Variants in BICRA observed in about 807,000 individuals in gnomAD.
The protein encoded by BICRA is BRD4 interacting chromatin remodeling complex associated protein, also known as BRD4-interacting chromatin-remodeling complex-associated protein.
Under a neutral mutation model 96.9 loss-of-function variants are expected in BICRA, and 31 were observed. The observed-to-expected ratio is 0.32, with a 90% CI of 0.24 to 0.43. The LOEUF (loss-of-function observed/expected upper bound fraction) is 0.43. Among genes scored for constraint, BICRA ranks in the 20% least tolerant of loss-of-function variants. The probability of loss-of-function intolerance (pLI) is 1.00; values close to 1 mark genes in which losing one functional copy is unlikely to be tolerated. For synonymous variants in BICRA, 1,350 were observed against 1,071.8 expected, an observed-to-expected ratio of 1.26 and a Z score of -5.07; for missense variants, 2,283 against 2,190.3, an observed-to-expected ratio of 1.04 and a Z score of -0.84.
At chr19:47,632,160 T>TTA (rs1175352082) in intron 1 of BICRA, among the ~76,000 whole-genome samples, 2 of 152,222 alleles carry the variant, frequency 1.3e-5, no homozygotes, top group African/African-American at 4.8e-5. Context: ...CTTGGGTTGC[T>TTA]TATGCAAGAG....
Position 47,702,341 on chromosome 19 carries a change from C to T in BICRA, c.4609C>T (p.Pro1537Ser), listed in dbSNP as rs780931394. The change falls in exon 15 of 15, where the codon CCC becomes TCC. Residue 1537 changes from proline (P) to serine (S), a missense_variant. Pro to Ser is a moderately conservative substitution (Grantham distance 74, BLOSUM62 -1). Coordinates refer to ENST00000594866, the MANE Select transcript of BICRA (RefSeq NM_001394372.1). The stretch of plus-strand genomic sequence containing the variant: ...GGCCGGCACCCCCGCATCCCCGCCG[C>T]CCCTGCACAGGCCCGAGGCCTACCC... ...ASAGTPASPPPLHRPEAYPPS... is the reference protein window; with the variant it reads ...ASAGTPASPPSLHRPEAYPPS... 2 of 1,547,054 alleles carry T rather than the reference C, an allele frequency of 1.3e-6. No homozygotes were observed. The highest frequency in any genetic ancestry group is 8.6e-7 in the Non-Finnish European group (1 of 1,156,648).
At chr19:47,663,511 A>T (rs936648297) in intron 1 of BICRA, 2 of 152,180 alleles carry the variant, frequency 1.3e-5, no homozygotes, top group African/African-American at 4.8e-5. Flanking sequence ...AGTCATCTCA[A>T]CTGTATTCAA....
Position 47,701,605 on chromosome 19 carries a change from C to G in BICRA, c.3873C>G (p.Ser1291=), listed in dbSNP as rs1346599857. 1 of 1,560,430 alleles carries G rather than the reference C, an allele frequency of 6.4e-7. No individual in the cohort carries two copies. The highest frequency in any genetic ancestry group is 1.9e-5 in the Admixed American group (1 of 51,884). ...LDADEDGPMP[S]RNRPPIKTYE... is the part of the protein sequence containing the mutation. ...CCGACGAGGACGGCCCCATGCCCTCCCGCAACCGCCCGCCCATCAAGACCT... is the reference window on the plus strand; with the variant it reads ...CCGACGAGGACGGCCCCATGCCCTCGCGCAACCGCCCGCCCATCAAGACCT... Residue 1291 remains serine (S), a synonymous_variant, in exon 15 of 15, where the codon TCC becomes TCG. Transcript: ENST00000594866. This position sits in a 1 kb window ranked among gnomAD's most constrained non-coding sequence, Gnocchi z 5.4.
chr19:47,641,787 A>AAT (rs1182830723), intron 1 of BICRA, among the ~76,000 whole-genome samples: 2 of 152,116 alleles, frequency 1.3e-5, no homozygotes, highest in Admixed American at 6.6e-5. Context: ...CAATTTGAGT[A>AAT]ATATATATAT....
intron 1 of BICRA, among the ~76,000 whole-genome samples, chr19:47,657,467 G>A (rs911367911): frequency 6.6e-6 from 1 of 151,384 alleles, no homozygotes; most frequent in Admixed American, 6.6e-5. Context: ...CATGATTTCG[G>A]CTCACTGCAA....
Position 47,660,273 on chromosome 19 carries a change from CCTT to C in BICRA, c.-107-10165_-107-10163del, listed in dbSNP as rs142168484. On this transcript the variant is annotated intron_variant, in intron 1 of 14. Transcript: ENST00000594866. Reference sequence around the variant, plus strand: ...AGCCACGTGACATTAAGCTTTGCCTCCTTCTTCACATGGCCTTCTGTTCTTCTG... The same window carrying C: ...AGCCACGTGACATTAAGCTTTGCCTCCTTCACATGGCCTTCTGTTCTTCTG... Among the ~76,000 whole-genome samples, 384 of 152,202 alleles carry C rather than the reference CCTT, an allele frequency of 2.5e-3. 2 individuals are homozygous for C. The highest frequency in any genetic ancestry group is 8.7e-3 in the African/African-American group (360 of 41,538).
chr19:47,645,342 G>A (rs1156267038), intron 1 of BICRA, among the ~76,000 whole-genome samples: 1 of 152,118 alleles, frequency 6.6e-6, no homozygotes, highest in Admixed American at 6.6e-5. Context: ...TCCAGGCTAC[G>A]CATCGCTGGT....
intron 2 of BICRA, among the ~76,000 whole-genome samples, chr19:47,672,857 G>C (rs772715821): frequency 6.6e-6 from 1 of 152,028 alleles, no homozygotes; most frequent in Non-Finnish European, 1.5e-5. Flanking sequence ...TCATCATTCA[G>C]ACCATAGGGC....
rs546754100 is a variant in BICRA, at chr19:47,675,711, C to T, written c.85-140C>T. 2.7e-5 allele frequency: 19 copies of T among 699,684 alleles called. No individual in the cohort carries two copies. In the East Asian group the frequency reaches 3.8e-4, roughly 14 times the overall value. 43.3% of individuals were successfully genotyped at this position (699,684 alleles called of 1,614,324 possible). On this transcript the variant is annotated intron_variant, in intron 4 of 14. Coordinates refer to ENST00000594866, the MANE Select transcript of BICRA (RefSeq NM_001394372.1). The surrounding 1 kb of genome is among the most constrained non-coding windows in gnomAD (Gnocchi z 4.7). ...TGCCTTTGGGGCCTCTTTTCGGAGGCGAGAGTTTCCCATACCCCCAGCCCT... is the reference window on the plus strand; with the variant it reads ...TGCCTTTGGGGCCTCTTTTCGGAGGTGAGAGTTTCCCATACCCCCAGCCCT...
chr19:47,614,855 G>A (rs777636794), intron 1 of BICRA, among the ~76,000 whole-genome samples: 18 of 152,138 alleles, frequency 1.2e-4, no homozygotes, highest in Non-Finnish European at 2.5e-4. Flanking sequence ...GAAGGCATAC[G>A]TCCGCACATG....
rs1055863259 is a variant in BICRA at position 47,644,427 on chromosome 19, C to T, written c.-107-26016C>T. Among the ~76,000 whole-genome samples the T allele has an allele frequency of 2.0e-5, 3 of 146,718 alleles. No individual in the cohort carries two copies. The South Asian group carries it at 6.7e-4, about 33-fold the overall frequency. ...TCTCTCTCTCCTTCCTTGCTTCCTCCCTCCCTCCCTTCCTCCCTCCCTCCC... is the reference window on the plus strand; with the variant it reads ...TCTCTCTCTCCTTCCTTGCTTCCTCTCTCCCTCCCTTCCTCCCTCCCTCCC... On this transcript the variant is annotated intron_variant, in intron 1 of 14. Transcript: ENST00000594866.
intron 1 of BICRA, among the ~76,000 whole-genome samples, chr19:47,654,826 T>TAA (rs1429522114): frequency 2.0e-5 from 3 of 151,042 alleles, no homozygotes; most frequent in Non-Finnish European, 4.4e-5. Context: ...AACACACCTG[T>TAA]AAAAGCCCCT....
chr19:47,665,284 AATTC>A (rs1438225723), intron 1 of BICRA, among the ~76,000 whole-genome samples: 14 of 152,320 alleles, frequency 9.2e-5, no homozygotes, highest in Admixed American at 2.6e-4. Context: ...TTCCTCTGCA[AATTC>A]ATTCATTCAT....
At chr19:47,685,760 T>TGG (rs1973137607) in intron 7 of BICRA, among the ~76,000 whole-genome samples, 1 of 127,406 alleles carries the variant, frequency 7.8e-6, no homozygotes, top group Non-Finnish European at 1.6e-5. Context: ...TGTGTGTGTG[T>TGG]GTGTGTGTGT....
intron 1 of BICRA, among the ~76,000 whole-genome samples, chr19:47,618,505 C>T (rs1972016241): frequency 6.6e-6 from 1 of 152,106 alleles, no homozygotes; most frequent in South Asian, 2.1e-4. Context: ...TGTGTATACT[C>T]TTGAGGTTGG....
chr19:47,681,538 C>A (rs1406814877), intron 6 of BICRA, among the ~76,000 whole-genome samples: 1 of 151,752 alleles, frequency 6.6e-6, no homozygotes, highest in African/African-American at 2.4e-5. Flanking sequence ...GAGGGACTGG[C>A]AGACAGACAG....
Position 47,698,212 on chromosome 19 carries a change from G to T in BICRA, c.3249-422G>T, listed in dbSNP as rs1295641300. On this transcript the variant is annotated intron_variant, in intron 11 of 14. Coordinates refer to ENST00000594866, the MANE Select transcript of BICRA (RefSeq NM_001394372.1). The surrounding 1 kb of genome is among the most constrained non-coding windows in gnomAD (Gnocchi z 4.8). ...GTAACATGGGCTACAAAAGCGGCCC[G>T]TGAGAAGACAGGATCCAGCCTCCCT... 1.3e-5 allele frequency among the ~76,000 whole-genome samples: 2 copies of T among 152,158 alleles called. No individual in the cohort carries two copies. Among genetic ancestry groups the T allele is most frequent in the Non-Finnish European group, 2.9e-5 (2 of 68,032 alleles).
At chr19:47,653,005 C>T (rs980897517) in intron 1 of BICRA, among the ~76,000 whole-genome samples, 9 of 150,180 alleles carry the variant, frequency 6.0e-5, no homozygotes, top group East Asian at 2.0e-4. Flanking sequence ...ACACAAAGAA[C>T]GTCCTCATTC....
At chr19:47,696,395 C>T in intron 10 of BICRA, 56 bp from the exon 11 acceptor site, 24 of 1,493,652 alleles carry the variant, frequency 1.6e-5, no homozygotes, top group East Asian at 2.5e-5. Context: ...GGAAGCTGGT[C>T]GGGGGAGGGA....
Sources: allele counts gnomAD v4.1 joint callset (sites outside exome capture counted in the v4.1 genomes callset), GRCh38; gene constraint gnomAD v4.1.1; non-coding constraint Gnocchi (gnomAD v3.1); transcripts MANE v1.5; gene names NCBI Gene and HGNC (gene_info 2026-07-23, HGNC 2026-07-21).